MYO5B: variants seen among roughly 807,000 people sequenced by gnomAD.
The protein encoded by MYO5B is myosin VB.
Under a neutral mutation model 229.3 loss-of-function variants are expected in MYO5B, and 143 were observed. The observed-to-expected ratio is 0.62, with a 90% confidence interval of 0.54 to 0.72. The LOEUF (loss-of-function observed/expected upper bound fraction) is 0.72. MYO5B is among the 30% of genes least tolerant of loss of function. MYO5B has a pLI of 0.00. For synonymous variants in MYO5B, 918 were observed against 885.2 expected, an observed-to-expected ratio of 1.04 and a Z score of -0.66; for missense variants, 2,321 against 2,331.0, an observed-to-expected ratio of 1.00 and a Z score of 0.09.
In MYO5B at chr18:49,929,612, A is replaced by G. The variant is rs200222654; in HGVS notation, c.2004-14T>C. Reference sequence around the variant, plus strand: ...TTTGGGTCAAAGCTGCCAAAGGAGAAAAAAAAAAAAAAAAGCAAGACAAGA... The same window carrying G: ...TTTGGGTCAAAGCTGCCAAAGGAGAGAAAAAAAAAAAAAAGCAAGACAAGA... On this transcript the variant is annotated splice_polypyrimidine_tract_variant and intron_variant, in intron 16 of 39. Coordinates refer to ENST00000285039, the MANE Select transcript of MYO5B (RefSeq NM_001080467.3). The G allele has an allele frequency of 6.9e-3, 1,887 of 274,616 alleles. 2 individuals are homozygous for G. Among genetic ancestry groups the G allele is most frequent in the Admixed American group, 0.012 (77 of 6,402 alleles). The allele number at this position is 274,616 out of a possible 1,614,324, so 17.0% of individuals were successfully genotyped here. A position where few individuals can be genotyped will look rare whatever the true frequency, so the allele number is the denominator to read the frequency against.
At chr18:49,847,687 T>C (rs1368756808) in intron 32 of MYO5B, among the ~76,000 whole-genome samples, 2 of 152,252 alleles carry the variant, frequency 1.3e-5, no homozygotes, top group Admixed American at 1.3e-4. Flanking sequence ...GGAAAGGAGA[T>C]ACCGTTTTTC....
At chr18:50,188,072 A>C (rs747886043) in intron 1 of MYO5B, among the ~76,000 whole-genome samples, 6 of 152,224 alleles carry the variant, frequency 3.9e-5, no homozygotes, top group Non-Finnish European at 7.3e-5. Context: ...CACTGGAGCA[A>C]TCTGGAAAAA....
intron 1 of MYO5B, among the ~76,000 whole-genome samples, chr18:50,142,052 C>T (rs1450480843): frequency 6.6e-6 from 1 of 152,206 alleles, no homozygotes; most frequent in Non-Finnish European, 1.5e-5. Context: ...AGTAATTCTC[C>T]AGCTGCTTTT....
chr18:49,894,894 C>T, intron 22 of MYO5B, 47 bp downstream of exon 22: 1 of 1,552,670 alleles, frequency 6.4e-7, no homozygotes. Flanking sequence ...GCTCCGTGTG[C>T]CCACCCACTC....
At chr18:50,094,054 A>T (rs1203478574) in intron 1 of MYO5B, among the ~76,000 whole-genome samples, 10 of 152,134 alleles carry the variant, frequency 6.6e-5, no homozygotes, top group African/African-American at 2.2e-4. Context: ...ACTTCCTTTC[A>T]TTTTACTCTA....
chr18:50,071,732 T>C (rs375680873), intron 1 of MYO5B, among the ~76,000 whole-genome samples: 2 of 152,214 alleles, frequency 1.3e-5, no homozygotes, highest in African/African-American at 4.8e-5. Flanking sequence ...TGTGGGAATT[T>C]CTGGGTCCTA....
At chr18:50,122,640 A>G (rs1458005809) in intron 1 of MYO5B, among the ~76,000 whole-genome samples, 10 of 1,498 alleles carry the variant, frequency 6.7e-3, no homozygotes, top group African/African-American at 0.011. Context: ...GGGGGGAGAG[A>G]GAGAGAGAGA....
chr18:50,172,838 A>G (rs2032938664), intron 1 of MYO5B, among the ~76,000 whole-genome samples: 1 of 152,202 alleles, frequency 6.6e-6, no homozygotes, highest in Admixed American at 6.5e-5. Context: ...GCCCTCCCAG[A>G]GGAGGTGACT....
Position 49,944,969 on chromosome 18 carries a change from C to T in MYO5B, c.1753-7572G>A, listed in dbSNP as rs1017067745. On this transcript the variant is annotated intron_variant, in intron 14 of 39. Transcript: ENST00000285039. ...AAGTCCAATGGCTAGAAGTGGTGTGCTTTCATTTTTGATCCTACCCGACCT... is the reference window on the plus strand; with the variant it reads ...AAGTCCAATGGCTAGAAGTGGTGTGTTTTCATTTTTGATCCTACCCGACCT... Among the ~76,000 whole-genome samples, 10 of 152,182 alleles carry T rather than the reference C, an allele frequency of 6.6e-5. 1 individual carries two copies. The highest frequency in any genetic ancestry group is 1.2e-4 in the Non-Finnish European group (8 of 68,036).
In MYO5B at chr18:50,082,241, T is replaced by C. The variant is rs1159868982; in HGVS notation, c.28-26863A>G. Reference sequence around the variant, plus strand: ...CCAGACATAAGTCCTCACTAAACCATGGACCAAATCCTATTCCCTGTGGTT... The same window carrying C: ...CCAGACATAAGTCCTCACTAAACCACGGACCAAATCCTATTCCCTGTGGTT... On this transcript the variant is annotated intron_variant, in intron 1 of 39. Coordinates refer to ENST00000285039, the MANE Select transcript of MYO5B (RefSeq NM_001080467.3). Among the ~76,000 whole-genome samples the C allele has an allele frequency of 3.3e-5, 5 of 152,318 alleles. No individual in the cohort carries two copies. The East Asian group carries it at 9.7e-4, about 29-fold the overall frequency.
At chr18:50,062,279 C>T (rs1220518345) in intron 1 of MYO5B, among the ~76,000 whole-genome samples, 5 of 152,138 alleles carry the variant, frequency 3.3e-5, no homozygotes, top group East Asian at 1.9e-4. Context: ...ACGCCTTGAC[C>T]GGAAGCAGGG....
intron 39 of MYO5B, among the ~76,000 whole-genome samples, chr18:49,831,434 T>C (rs2023919961): frequency 1.3e-5 from 2 of 152,058 alleles, no homozygotes; most frequent in South Asian, 4.1e-4. Flanking sequence ...AAGACAATAA[T>C]CTAATTTAAA....
chr18:49,947,304 G>A (rs1015048172), intron 14 of MYO5B, among the ~76,000 whole-genome samples: 1 of 151,500 alleles, frequency 6.6e-6, no homozygotes, highest in Non-Finnish European at 1.5e-5. Flanking sequence ...ATGGGGTTTC[G>A]CCATGTTAGC....
intron 12 of MYO5B, among the ~76,000 whole-genome samples, chr18:49,958,622 A>G (rs757795555): frequency 3.3e-5 from 5 of 152,132 alleles, no homozygotes; most frequent in Non-Finnish European, 7.4e-5. Context: ...CAGTCCACCC[A>G]AGCCCATGCT....
intron 31 of MYO5B, among the ~76,000 whole-genome samples, chr18:49,852,140 C>T (rs1327590767): frequency 6.6e-6 from 1 of 152,246 alleles, no homozygotes; most frequent in Non-Finnish European, 1.5e-5. Flanking sequence ...CACCTCTTTC[C>T]AGTCACTAAC....
intron 22 of MYO5B, among the ~76,000 whole-genome samples, chr18:49,892,651 A>G (rs1190392029): frequency 1.3e-5 from 2 of 152,180 alleles, no homozygotes; most frequent in African/African-American, 2.4e-5. Flanking sequence ...CCTTTGATAA[A>G]TATTATACCC....
rs114221227 is a variant in MYO5B, at chr18:49,902,673, C to T, written c.2732G>A (p.Arg911His). 10 of 1,612,966 alleles carry T rather than the reference C, an allele frequency of 6.2e-6. No individual in the cohort carries two copies. The highest frequency in any genetic ancestry group is 2.2e-5 in the South Asian group (2 of 91,084). ...RELKALRIEA[R>H]SAEHLKRLNV... The stretch of plus-strand genomic sequence containing the variant: ...GAGACGTTTCAGATGCTCTGCTGAG[C>T]GGGCCTCAATCCTGAGGGCCTTCAG... Residue 911 changes from arginine (R) to histidine (H), a missense_variant, in exon 21 of 40, where the codon CGC (arginine) becomes CAC (histidine). Physicochemically the swap from Arg to His is conservative, Grantham distance 29. Transcript: ENST00000285039.
intron 29 of MYO5B, among the ~76,000 whole-genome samples, chr18:49,857,435 A>C (rs947022756): frequency 1.3e-5 from 2 of 152,148 alleles, no homozygotes; most frequent in African/African-American, 2.4e-5. Context: ...CGTCAGGCCC[A>C]CCCAGGGTAA....
At chr18:50,182,464 C>T (rs545404543) in intron 1 of MYO5B, among the ~76,000 whole-genome samples, 36 of 152,264 alleles carry the variant, frequency 2.4e-4, no homozygotes, top group Middle Eastern at 3.4e-3. Context: ...GTGCTCTTAA[C>T]AAATGATAAC....
Sources: gnomAD v4.1 joint callset for allele counts (sites outside exome capture counted in the v4.1 genomes callset) on GRCh38, gnomAD v4.1.1 for gene constraint, MANE v1.5 for transcripts, NCBI Gene and HGNC (gene_info 2026-07-23, HGNC 2026-07-21) for gene names.